The following RALGPS2 variants were observed in gnomAD, a reference collection of about 807,000 sequenced individuals.
RALGPS2 encodes the protein ras-specific guanine nucleotide-releasing factor RalGPS2.
In RALGPS2, 43 loss-of-function variants were observed where a neutral mutation model predicts 86.8. The observed-to-expected ratio is 0.50, with a 90% CI of 0.39 to 0.64. The LOEUF (loss-of-function observed/expected upper bound fraction) is 0.64. Ranked by LOEUF, RALGPS2 falls within the 30% of genes least tolerant of loss-of-function variation. RALGPS2 has a pLI of 0.00. For synonymous variants in RALGPS2, 243 were observed against 231.3 expected (o/e 1.05, Z -0.46); for missense variants, 536 against 694.6 (o/e 0.77, Z 2.57).
rs113107662 is a variant in RALGPS2, at chr1:178,895,568, C to T, written c.1431+1544C>T. ...GATCTGAATGAGGAAGGTGAGTTAGCTGTGTGAATATCTAGAGTTCAGGAG... is the reference window on the plus strand; with the variant it reads ...GATCTGAATGAGGAAGGTGAGTTAGTTGTGTGAATATCTAGAGTTCAGGAG... On this transcript the variant is annotated intron_variant, in intron 16 of 19. Coordinates refer to ENST00000367635, the MANE Select transcript of RALGPS2 (RefSeq NM_152663.5). Among the ~76,000 whole-genome samples the T allele has an allele frequency of 1.3e-3, 194 of 152,136 alleles. 2 individuals carry two copies. The highest frequency in any genetic ancestry group is 4.3e-3 in the African/African-American group (178 of 41,520).
Position 178,766,090 on chromosome 1 carries a change from T to C in RALGPS2, c.-83-10592T>C, listed in dbSNP as rs187923197. Among the ~76,000 whole-genome samples, 5 of 152,288 alleles carry C rather than the reference T, an allele frequency of 3.3e-5. No homozygotes were observed. In the East Asian group the frequency reaches 9.6e-4, roughly 29 times the overall value. On this transcript the variant is annotated intron_variant, in intron 1 of 19. Transcript: ENST00000367635. ...GCATAGGAAGTCACAAGAGTATTGA[T>C]TGGGGAAGTGATAAGTGTCCATGAA...
intron 6 of RALGPS2, among the ~76,000 whole-genome samples, chr1:178,816,497 A>G (rs1311740780): frequency 6.6e-6 from 1 of 152,074 alleles, no homozygotes; most frequent in African/African-American, 2.4e-5. Flanking sequence ...TTCAGAAATA[A>G]GTATTTTTTC....
chr1:178,749,944 A>AACAC (rs147164836), intron 1 of RALGPS2, among the ~76,000 whole-genome samples: 1 of 151,554 alleles, frequency 6.6e-6, no homozygotes, highest in Non-Finnish European at 1.5e-5. Context: ...AAACAACAAC[A>AACAC]ACACACACAC....
At position 178,783,376 on chromosome 1, in the gene RALGPS2, G is replaced by A. The variant is rs540463393; in HGVS notation, c.58-1042G>A. Among the ~76,000 whole-genome samples, 3 of 152,260 alleles carry A rather than the reference G, an allele frequency of 2.0e-5. No individual in the cohort carries two copies. In the East Asian group the frequency reaches 5.8e-4, roughly 29 times the overall value. On this transcript the variant is annotated intron_variant, in intron 2 of 19. Transcript: ENST00000367635. Reference sequence around the variant, plus strand: ...CAGAATAGCCCAGGACTGTAGGACAGTGACAAAAGGTGTAGCATATGCATA... The same window carrying A: ...CAGAATAGCCCAGGACTGTAGGACAATGACAAAAGGTGTAGCATATGCATA...
At chr1:178,739,493 C>CTGAT (rs561162282) in intron 1 of RALGPS2, among the ~76,000 whole-genome samples, 1 of 152,140 alleles carries the variant, frequency 6.6e-6, no homozygotes, top group Non-Finnish European at 1.5e-5. Flanking sequence ...AAAGAACATA[C>CTGAT]TGATTGTTGA....
intron 1 of RALGPS2, among the ~76,000 whole-genome samples, chr1:178,751,279 A>G (rs77447488): frequency 1.4e-3 from 213 of 152,088 alleles, no homozygotes; most frequent in Non-Finnish European, 2.7e-3. Context: ...TTTCCCTTCC[A>G]TATGCCCATT....
intron 7 of RALGPS2, among the ~76,000 whole-genome samples, chr1:178,832,833 AC>A (rs1656091894): frequency 2.0e-5 from 3 of 151,174 alleles, no homozygotes; most frequent in Admixed American, 1.3e-4. Context: ...AAAGGCACTT[AC>A]TGCAAATCTG....
chr1:178,904,918 A>G (rs1660330104), intron 18 of RALGPS2, among the ~76,000 whole-genome samples: 1 of 151,934 alleles, frequency 6.6e-6, no homozygotes, highest in Non-Finnish European at 1.5e-5. Context: ...GATTGCATTG[A>G]ATTTGTAGAT....
intron 1 of RALGPS2, among the ~76,000 whole-genome samples, chr1:178,732,842 A>T (rs1572264844): frequency 6.6e-6 from 1 of 151,932 alleles, no homozygotes; most frequent in East Asian, 1.9e-4. Flanking sequence ...ACATTAATAG[A>T]TTATCTCCTG....
intron 2 of RALGPS2, 39 bp from the exon 3 acceptor site, chr1:178,784,379 A>G (rs1462867763): frequency 4.7e-6 from 7 of 1,483,242 alleles, no homozygotes; most frequent in Non-Finnish European, 6.5e-6. Context: ...TGATTGTGAG[A>G]CAGTATGTAA....
chr1:178,772,309 C>T (rs574524887), intron 1 of RALGPS2, among the ~76,000 whole-genome samples: 1 of 152,300 alleles, frequency 6.6e-6, no homozygotes, highest in South Asian at 2.1e-4. Flanking sequence ...CTGAGTAGAG[C>T]ATCTGGCCAA....
intron 4 of RALGPS2, among the ~76,000 whole-genome samples, chr1:178,806,865 C>G (rs1232098185): frequency 6.6e-6 from 1 of 152,056 alleles, no homozygotes; most frequent in Non-Finnish European, 1.5e-5. Flanking sequence ...AGTTTGTTAA[C>G]CTGTTTCGGA....
At chr1:178,806,377 C>A (rs1654743574) in intron 4 of RALGPS2, among the ~76,000 whole-genome samples, 1 of 152,028 alleles carries the variant, frequency 6.6e-6, no homozygotes, top group South Asian at 2.1e-4. Flanking sequence ...TATCTGATAC[C>A]TTCTGATGCC....
intron 17 of RALGPS2, 64 bp from the exon 18 acceptor site, chr1:178,902,042 C>G: frequency 8.3e-7 from 1 of 1,208,004 alleles, no homozygotes; most frequent in South Asian, 1.3e-5. Context: ...CTCCCTAACA[C>G]TGAAGTTTTG....
intron 8 of RALGPS2, among the ~76,000 whole-genome samples, chr1:178,855,624 A>AT (rs964723156): frequency 3.3e-5 from 5 of 151,770 alleles, no homozygotes; most frequent in Non-Finnish European, 5.9e-5. Context: ...TTGCAATTTG[A>AT]TTTTTTATAG....
chr1:178,835,175 C>G (rs1464469986), intron 8 of RALGPS2, among the ~76,000 whole-genome samples: 1 of 152,180 alleles, frequency 6.6e-6, no homozygotes, highest in Non-Finnish European at 1.5e-5. Flanking sequence ...ATAATACCTT[C>G]ACAATTCAGA....
chr1:178,845,672 C>T (rs1656833346), intron 8 of RALGPS2, among the ~76,000 whole-genome samples: 2 of 152,136 alleles, frequency 1.3e-5, no homozygotes, highest in Non-Finnish European at 2.9e-5. Flanking sequence ...ACTCCTTACC[C>T]ACCCCTGATT....
rs1223967528 is a variant in RALGPS2 at position 178,919,483 on chromosome 1, C to T, written c.*3124C>T. 6.6e-6 allele frequency: 1 copy of T among 151,900 alleles called. No individual in the cohort carries two copies. Among genetic ancestry groups the T allele is most frequent in the Non-Finnish European group, 1.5e-5 (1 of 67,888 alleles). The allele number at this position is 151,900 out of a possible 1,614,324, so 9.4% of individuals were successfully genotyped here. A position where few individuals can be genotyped will look rare whatever the true frequency, so the allele number is the denominator to read the frequency against. On this transcript the variant is annotated 3_prime_UTR_variant, in exon 20 of 20. Transcript: ENST00000367635. The stretch of plus-strand genomic sequence containing the variant: ...GAAGATTTATGAGGAGCCTAGGAAG[C>T]ACTATTGGTACAGGAGGAAAAAAGA...
intron 1 of RALGPS2, among the ~76,000 whole-genome samples, chr1:178,727,856 A>G (rs1252158805): frequency 1.3e-5 from 2 of 152,148 alleles, no homozygotes; most frequent in African/African-American, 4.8e-5. Flanking sequence ...TTAAGCCCTG[A>G]TGGGGCTTAA....
Sources: gnomAD v4.1 joint callset for allele counts (sites outside exome capture counted in the v4.1 genomes callset) on GRCh38, gnomAD v4.1.1 for gene constraint, MANE v1.5 for transcripts, NCBI Gene and HGNC (gene_info 2026-07-23, HGNC 2026-07-21) for gene names.